The following AHNAK variants were observed in gnomAD, a reference collection of about 807,000 sequenced individuals.
The protein encoded by AHNAK is AHNAK nucleoprotein, also known as neuroblast differentiation-associated protein AHNAK.
Under a neutral mutation model 37.8 loss-of-function variants are expected in AHNAK, and 23 were observed. The ratio of observed to expected loss-of-function variants is 0.61; its 90% confidence interval spans 0.44 to 0.86. The LOEUF (loss-of-function observed/expected upper bound fraction) is 0.86. Ranked by LOEUF, AHNAK falls within the 40% of genes least tolerant of loss-of-function variation. The pLI is 0.00. For missense variants in AHNAK, 7,411 were observed against 7,319.4 expected, an observed-to-expected ratio of 1.01 and a Z score of -0.46; for synonymous variants, 2,481 against 2,636.3, an observed-to-expected ratio of 0.94 and a Z score of 1.80.
rs1176093667 is a variant in AHNAK at position 62,521,158 on chromosome 11, T to A, written c.13259A>T (p.Asp4420Val). ...VEGDLKGPEI[D>V]IKGPSLDIDT... ...AATGTCCAAACTGGGGCCTTTTATG[T>A]CAATTTCAGGGCCCTTGAGATCACC... is the stretch of plus-strand genomic sequence containing the variant. Residue 4420 changes from aspartate to valine, a missense_variant, in exon 5 of 5, where the codon GAC becomes GTC. Coordinates refer to ENST00000378024, the MANE Select transcript of AHNAK (RefSeq NM_001620.3). 6.2e-7 allele frequency: 1 copy of A among 1,613,960 alleles called. No individual in the cohort carries two copies. The highest frequency in any genetic ancestry group is 8.5e-7 in the Non-Finnish European group (1 of 1,179,984).
intron 1 of AHNAK, among the ~76,000 whole-genome samples, chr11:62,544,922 A>G (rs2428549): frequency 0.31 from 47,575 of 152,050 alleles, 7,857 homozygotes; most frequent in Non-Finnish European, 0.37. Context: ...CCTACCATGC[A>G]CTAGGCTGTG....
At position 62,520,390 on chromosome 11, in the gene AHNAK, A is replaced by G. The variant is rs142267795; in HGVS notation, c.14027T>C (p.Leu4676Pro). The G allele has an allele frequency of 2.5e-5, 40 of 1,613,350 alleles. No individual in the cohort carries two copies. The African/African-American group carries it at 3.9e-4, about 16-fold the overall frequency. ...KGEGPDVDVN[L>P]PKADIDVSGP... is the part of the protein sequence containing the mutation. Reference sequence around the variant, plus strand: ...TGAGACATCAATGTCAGCCTTGGGCAGGTTCACATCCACATCTGGGCCCTC... The same window carrying G: ...TGAGACATCAATGTCAGCCTTGGGCGGGTTCACATCCACATCTGGGCCCTC... Residue 4676 changes from leucine (L) to proline (P), a missense_variant, in exon 5 of 5, where the codon CTG (leucine) becomes CCG (proline). Leu to Pro is a moderately conservative substitution (Grantham distance 98, BLOSUM62 -3). Transcript: ENST00000378024.
At chr11:62,484,273 C>T (rs1011765553) in intron 5 of AHNAK, among the ~76,000 whole-genome samples, 4 of 151,508 alleles carry the variant, frequency 2.6e-5, no homozygotes, top group Non-Finnish European at 5.9e-5. Flanking sequence ...GTAGTCTTAG[C>T]TACTCTGGAG....
rs779859366 is a variant in AHNAK, at chr11:62,532,036, A to G, written c.2381T>C (p.Ile794Thr). 3 of 1,612,710 alleles carry G rather than the reference A, an allele frequency of 1.9e-6. No homozygotes were observed. The highest frequency in any genetic ancestry group is 2.5e-6 in the Non-Finnish European group (3 of 1,179,808). Reference sequence around the variant, plus strand: ...TTTCAATTTCCCTTCTGGTTCCTCAATGCTCACATCAGGAGCAGTAACATC... The same window carrying G: ...TTTCAATTTCCCTTCTGGTTCCTCAGTGCTCACATCAGGAGCAGTAACATC... ...KIDVTAPDVS[I>T]EEPEGKLKGP... Residue 794 changes from isoleucine to threonine, a missense_variant, in exon 5 of 5, where the codon ATT (isoleucine) becomes ACT (threonine). Physicochemically the swap from Ile to Thr is moderately conservative, Grantham distance 89. Coordinates refer to ENST00000378024, the MANE Select transcript of AHNAK (RefSeq NM_001620.3).
chr11:62,525,920 G>T lies in AHNAK; in HGVS notation c.8497C>A (p.Pro2833Thr), dbSNP rs1381239836. The stretch of plus-strand genomic sequence containing the variant: ...TCAATATCTGGCATGGATATCTTTG[G>T]AGTCTTAAAATGCATCTCTGGCATC... Reference protein sequence around the residue: ...FKMPEMHFKTPKISMPDIDLN... With the variant: ...FKMPEMHFKTTKISMPDIDLN... The change falls in exon 5 of 5, where the codon CCA becomes ACA. Residue 2833 changes from proline to threonine, a missense_variant. By Grantham distance (38) the Pro-to-Thr change is conservative. Transcript: ENST00000378024. 4 of 1,614,008 alleles carry T rather than the reference G, an allele frequency of 2.5e-6. No individual in the cohort carries two copies. Among genetic ancestry groups the T allele is most frequent in the Non-Finnish European group, 3.4e-6 (4 of 1,180,038 alleles).
At position 62,532,440 on chromosome 11, in the gene AHNAK, A is replaced by G. The variant is rs1404424229; in HGVS notation, c.1977T>C (p.Ile659=). ...HMTLPKGDIS[I]SGPKVNVEAP... ...CTTCCACATTGACCTTGGGCCCTGA[A>G]ATACTGATATCTCCTTTGGGTAGAG... The change falls in exon 5 of 5, where the codon ATT becomes ATC. Residue 659 remains isoleucine, a synonymous_variant. Coordinates refer to ENST00000378024, the MANE Select transcript of AHNAK (RefSeq NM_001620.3). The G allele has an allele frequency of 1.9e-6, 3 of 1,614,012 alleles. No individual in the cohort carries two copies. Among genetic ancestry groups the G allele is most frequent in the Non-Finnish European group, 2.5e-6 (3 of 1,180,000 alleles).
chr11:62,513,005 C>G (rs1939942461), downstream of AHNAK, among the ~76,000 whole-genome samples: 1 of 152,146 alleles, frequency 6.6e-6, no homozygotes, highest in African/African-American at 2.4e-5. Flanking sequence ...TGGTGTAATT[C>G]AAAATAATTC....
At chr11:62,474,545 A>G (rs1939105338) in intron 5 of AHNAK, among the ~76,000 whole-genome samples, 1 of 151,942 alleles carries the variant, frequency 6.6e-6, no homozygotes. Context: ...GGAAGAACTG[A>G]GAATTGCTGC....
At chr11:62,447,611 T>G (rs985986857) in intron 5 of AHNAK, among the ~76,000 whole-genome samples, 1 of 149,586 alleles carries the variant, frequency 6.7e-6, no homozygotes, top group African/African-American at 2.4e-5. Context: ...ACAACTTTGC[T>G]GTTACCCACA....
At chr11:62,443,027 G>A (rs1373027530) in intron 5 of AHNAK, among the ~76,000 whole-genome samples, 13 of 149,668 alleles carry the variant, frequency 8.7e-5, no homozygotes, top group South Asian at 2.1e-4. Context: ...GCTGGAGTGC[G>A]GTGGCGTGAT....
intron 5 of AHNAK, among the ~76,000 whole-genome samples, chr11:62,474,621 G>A (rs552342045): frequency 9.9e-5 from 15 of 152,266 alleles, no homozygotes; most frequent in East Asian, 7.7e-4. Flanking sequence ...CCCCACCTGC[G>A]AATGGACACG....
chr11:62,471,765 G>A (rs949456414), intron 5 of AHNAK, among the ~76,000 whole-genome samples: 2 of 152,230 alleles, frequency 1.3e-5, no homozygotes, highest in African/African-American at 4.8e-5. Flanking sequence ...AGGCCTGGGT[G>A]TGGGAGACTG....
intron 5 of AHNAK, among the ~76,000 whole-genome samples, chr11:62,481,142 G>T (rs2134870777): frequency 6.8e-6 from 1 of 147,554 alleles, no homozygotes; most frequent in African/African-American, 2.6e-5. Flanking sequence ...TTTCGCACTT[G>T]TTGCCCAGAC....
At chr11:62,447,614 T>C (rs1337541278) in intron 5 of AHNAK, among the ~76,000 whole-genome samples, 1 of 152,126 alleles carries the variant, frequency 6.6e-6, no homozygotes, top group Non-Finnish European at 1.5e-5. Flanking sequence ...ACTTTGCTGT[T>C]ACCCACAGTG....
At chr11:62,473,440 A>C (rs7925041) in intron 5 of AHNAK, among the ~76,000 whole-genome samples, 108,450 of 143,580 alleles carry the variant, frequency 0.76, 47,221 homozygotes, top group Non-Finnish European at 0.96. Flanking sequence ...TCACGCCTGT[A>C]ATCCCAGCAC....
intron 5 of AHNAK, among the ~76,000 whole-genome samples, chr11:62,443,123 C>T (rs965071323): frequency 6.6e-6 from 1 of 151,318 alleles, no homozygotes; most frequent in African/African-American, 2.4e-5. Flanking sequence ...AGGCACATGC[C>T]ACCACTTCAC....
rs1200286967 is a variant in AHNAK at position 62,525,416 on chromosome 11, C to A, written c.9001G>T (p.Gly3001Cys). ...DLKGPEVDIRGPQVDIDVPDV... is the reference protein window; with the variant it reads ...DLKGPEVDIRCPQVDIDVPDV... ...GGGACATCAATGTCCACTTGGGGACCCCTGATGTCAACTTCAGGGCCCTTG... is the reference window on the plus strand; with the variant it reads ...GGGACATCAATGTCCACTTGGGGACACCTGATGTCAACTTCAGGGCCCTTG... The change falls in exon 5 of 5, where the codon GGT (glycine) becomes TGT (cysteine). Residue 3001 changes from glycine (G) to cysteine (C), a missense_variant. Coordinates refer to ENST00000378024, the MANE Select transcript of AHNAK (RefSeq NM_001620.3). The A allele has an allele frequency of 6.2e-7, 1 of 1,613,274 alleles. No individual in the cohort carries two copies. The highest frequency in any genetic ancestry group is 1.3e-5 in the African/African-American group (1 of 74,634).
rs1272204575 is a variant in AHNAK, at chr11:62,516,426, A to T, written c.*318T>A. 9 of 1,247,732 alleles carry T rather than the reference A, an allele frequency of 7.2e-6. No homozygotes were observed. The highest frequency in any genetic ancestry group is 8.2e-6 in the Non-Finnish European group (8 of 977,654). 77.3% of individuals were successfully genotyped at this position (1,247,732 alleles called of 1,614,324 possible). A position where few individuals can be genotyped will look rare whatever the true frequency, so the allele number is the denominator to read the frequency against. ...CTAACAATGTTCAGTAAAAATGAGG[A>T]TAATAAACACAAAAGCTTGCTTAGT... On this transcript the variant is annotated 3_prime_UTR_variant, in exon 5 of 5. Coordinates refer to ENST00000378024, the MANE Select transcript of AHNAK (RefSeq NM_001620.3).
In AHNAK at chr11:62,522,533, C is replaced by G. The variant is rs1268515250; in HGVS notation, c.11884G>C (p.Asp3962His). The G allele has an allele frequency of 1.1e-5, 18 of 1,613,734 alleles. No homozygotes were observed. The highest frequency in any genetic ancestry group is 1.4e-5 in the Non-Finnish European group (17 of 1,180,002). The change falls in exon 5 of 5, where the codon GAC (aspartate) becomes CAC (histidine). Residue 3962 changes from aspartate to histidine, a missense_variant. By Grantham distance (81) the Asp-to-His change is moderately conservative (BLOSUM62 -1). Transcript: ENST00000378024. ...VDVNLPKADLDVSGPKVDVDV... is the reference protein window; with the variant it reads ...VDVNLPKADLHVSGPKVDVDV... ...ACGTCCACCTTGGGTCCTGAGACGT[C>G]AAGGTCAGCCTTGGGCAGGTTCACA...
Sources: allele counts gnomAD v4.1 joint callset (sites outside exome capture counted in the v4.1 genomes callset), GRCh38; gene constraint gnomAD v4.1.1; transcripts MANE v1.5; gene names NCBI Gene and HGNC (gene_info 2026-07-23, HGNC 2026-07-21).